Variants in PVALB observed in about 807,000 individuals in gnomAD.
PVALB encodes parvalbumin.
Under a neutral mutation model 10.9 loss-of-function variants are expected in PVALB, and 11 were observed. The observed-to-expected ratio is 1.01, with a 90% CI of 0.63 to 1.67. The LOEUF (loss-of-function observed/expected upper bound fraction) is 1.67. Among genes scored for constraint, PVALB ranks in the 40% most tolerant of loss-of-function variants. PVALB has a pLI of 0.00. For synonymous variants in PVALB, 57 were observed against 50.7 expected, an observed-to-expected ratio of 1.12 and a Z score of -0.53; for missense variants, 131 against 136.2, an observed-to-expected ratio of 0.96 and a Z score of 0.19.
intron 3 of PVALB, 138 bp from the exon 4 acceptor site, chr22:36,801,056 A>AAAATGAATGAATGAAT (rs1308746694): frequency 9.3e-6 from 7 of 750,912 alleles, no homozygotes; most frequent in African/African-American, 1.7e-5. Flanking sequence ...CGTAAGTGTG[A>AAAATGAATGAATGAAT]AAATGAATGA....
intron 3 of PVALB, among the ~76,000 whole-genome samples, chr22:36,803,539 G>A (rs911530461): frequency 6.6e-6 from 1 of 150,388 alleles, no homozygotes; most frequent in African/African-American, 2.5e-5. Flanking sequence ...TGGAGGGAGG[G>A]ATAGAGGGAT....
chr22:36,806,389 A>G (rs1345169179), intron 3 of PVALB, among the ~76,000 whole-genome samples: 1 of 152,096 alleles, frequency 6.6e-6, no homozygotes, highest in African/African-American at 2.4e-5. Context: ...CCCTTAGGAA[A>G]CTGAAATTAG....
chr22:36,811,460 C>A (rs780929445), intron 3 of PVALB: 11 of 470,572 alleles, frequency 2.3e-5, no homozygotes, highest in Non-Finnish European at 4.8e-5. Flanking sequence ...GGAAATGGGC[C>A]TGAATTATTT....
Position 36,815,108 on chromosome 22 carries a change from C to T in PVALB, c.189G>A (p.Glu63=). 1 of 1,614,146 alleles carries T rather than the reference C, an allele frequency of 6.2e-7. No homozygotes were observed. Among genetic ancestry groups the T allele is most frequent in the Non-Finnish European group, 8.5e-7 (1 of 1,180,000 alleles). Residue 63 remains glutamate, a synonymous_variant, in exon 2 of 4, where the codon GAG becomes GAA. Coordinates refer to ENST00000417718, the MANE Select transcript of PVALB (RefSeq NM_001315532.2). Reference sequence around the variant, plus strand: ...CCCTGCAGGCCTCCGCTTACCCCAGCTCATCCTCCTCGATGAAGCCACTTT... The same window carrying T: ...CCCTGCAGGCCTCCGCTTACCCCAGTTCATCCTCCTCGATGAAGCCACTTT... ...KDKSGFIEED[E]LGFILKGFSP...
At chr22:36,811,694 T>A (rs1939048801) in intron 3 of PVALB, among the ~76,000 whole-genome samples, 1 of 152,054 alleles carries the variant, frequency 6.6e-6, no homozygotes, top group Non-Finnish European at 1.5e-5. Context: ...GCATATTGGC[T>A]GCAAATAAAA....
At chr22:36,817,196 G>T (rs190134808), upstream of PVALB, among the ~76,000 whole-genome samples, 1,733 of 152,228 alleles carry the variant, frequency 0.011, 20 homozygotes, top group Non-Finnish European at 0.018. Context: ...GCTGAGCAGC[G>T]CCGGCCGCCG....
At chr22:36,813,048 C>T (rs1939070766) in intron 3 of PVALB, among the ~76,000 whole-genome samples, 1 of 152,184 alleles carries the variant, frequency 6.6e-6, no homozygotes, top group South Asian at 2.1e-4. Context: ...CTGAATTCCC[C>T]ACTGATTTCT....
chr22:36,807,307 T>C (rs774467947), intron 3 of PVALB, among the ~76,000 whole-genome samples: 14 of 152,098 alleles, frequency 9.2e-5, no homozygotes, highest in African/African-American at 1.7e-4. Flanking sequence ...CTAAACCTCA[T>C]TGAGCTGGTA....
At chr22:36,807,778 C>T (rs775072548) in intron 3 of PVALB, among the ~76,000 whole-genome samples, 1 of 152,190 alleles carries the variant, frequency 6.6e-6, no homozygotes, top group Non-Finnish European at 1.5e-5. Flanking sequence ...TGCTCCACCA[C>T]AGCCCAAGGC....
chr22:36,803,767 C>G (rs552657064), intron 3 of PVALB, among the ~76,000 whole-genome samples: 2 of 152,044 alleles, frequency 1.3e-5, no homozygotes, highest in Admixed American at 6.6e-5. Flanking sequence ...TAGGGATCAA[C>G]AAGTTCTGAC....
chr22:36,816,045 T>G (rs739032), intron 1 of PVALB, among the ~76,000 whole-genome samples: 83,343 of 134,120 alleles, frequency 0.62, 26,953 homozygotes, highest in East Asian at 0.84. Context: ...ATCATGTATT[T>G]TGTGTGTGTG....
upstream of PVALB, chr22:36,819,416 G>C (rs1474598031): frequency 4.6e-5 from 7 of 152,220 alleles, no homozygotes; most frequent in Non-Finnish European, 1.0e-4. Context: ...TCCAACCTCG[G>C]TAGCTGCCAC....
chr22:36,812,584 G>T (rs892919717), intron 3 of PVALB, among the ~76,000 whole-genome samples: 1 of 152,216 alleles, frequency 6.6e-6, no homozygotes, highest in African/African-American at 2.4e-5. Context: ...TCAGTTCAGA[G>T]ATGAGAAAAC....
At chr22:36,813,876 C>T in intron 2 of PVALB, 121 bp from the exon 3 acceptor site, 2 of 781,394 alleles carry the variant, frequency 2.6e-6, no homozygotes, top group Non-Finnish European at 4.5e-6. Context: ...AGGCAGCGAG[C>T]AGCAGTCACG....
At chr22:36,801,539 C>T (rs886616822) in intron 3 of PVALB, among the ~76,000 whole-genome samples, 3 of 152,190 alleles carry the variant, frequency 2.0e-5, no homozygotes, top group African/African-American at 7.2e-5. Context: ...GTGGCTCACG[C>T]GTGTAATCCC....
rs736721 is a variant in PVALB, at chr22:36,806,662, C to G, written c.305-5744G>C. Among the ~76,000 whole-genome samples the G allele has an allele frequency of 9.9e-5, 15 of 152,054 alleles. No homozygotes were observed. In the East Asian group the frequency reaches 2.9e-3, roughly 29 times the overall value. On this transcript the variant is annotated intron_variant, in intron 3 of 3. Transcript: ENST00000417718. ...TCAAACAGGGATCACCTTCCCATCC[C>G]GGAGAACTGGGAGGCAGAGTCACTC...
intron 3 of PVALB, among the ~76,000 whole-genome samples, chr22:36,806,869 G>A (rs765147840): frequency 6.6e-5 from 10 of 152,100 alleles, no homozygotes; most frequent in Non-Finnish European, 1.3e-4. Context: ...TCTAACAGGC[G>A]TGGCTGGGGC....
At chr22:36,813,541 G>A in intron 3 of PVALB, 105 bp downstream of exon 3, 1 of 882,694 alleles carries the variant, frequency 1.1e-6, no homozygotes, top group Non-Finnish European at 1.9e-6. Context: ...GGGAGTGAGG[G>A]ACCCCCATAT....
chr22:36,814,394 A>C (rs1299469226), intron 2 of PVALB, among the ~76,000 whole-genome samples: 1 of 151,980 alleles, frequency 6.6e-6, no homozygotes, highest in Non-Finnish European at 1.5e-5. Flanking sequence ...TAGGGGAGAG[A>C]CAGGATGGGT....
Sources: allele counts gnomAD v4.1 joint callset (sites outside exome capture counted in the v4.1 genomes callset), GRCh38; gene constraint gnomAD v4.1.1; transcripts MANE v1.5; gene names NCBI Gene and HGNC (gene_info 2026-07-23, HGNC 2026-07-21).